Variants in YWHAQ observed in about 807,000 individuals in gnomAD.
YWHAQ encodes 14-3-3 protein theta.
Under a neutral mutation model 28.3 loss-of-function variants are expected in YWHAQ, and 6 were observed. The observed-to-expected ratio is 0.21, with a 90% confidence interval of 0.12 to 0.42. The LOEUF is 0.42. Ranked by LOEUF, YWHAQ falls within the 10% of genes least tolerant of loss-of-function variation. The pLI, the probability that YWHAQ is intolerant of heterozygous loss-of-function variation, is 1.00. For missense variants in YWHAQ, 201 were observed against 305.6 expected, an observed-to-expected ratio of 0.66 and a Z score of 2.55; for synonymous variants, 143 against 119.1, an observed-to-expected ratio of 1.20 and a Z score of -1.31.
chr2:9,626,122 C>G (rs1667243231), intron 2 of YWHAQ, among the ~76,000 whole-genome samples: 1 of 152,206 alleles, frequency 6.6e-6, no homozygotes, highest in Non-Finnish European at 1.5e-5. Flanking sequence ...TTTTAACTCT[C>G]ATTTTTAAAA....
chr2:9,605,123 T>C (rs1666794194), intron 2 of YWHAQ, among the ~76,000 whole-genome samples: 1 of 148,456 alleles, frequency 6.7e-6, no homozygotes, highest in South Asian at 2.1e-4. Context: ...AATGATAGTT[T>C]CCCCATTCTG....
chr2:9,600,045 T>A (rs76553734), intron 2 of YWHAQ, among the ~76,000 whole-genome samples: 2,734 of 152,316 alleles, frequency 0.018, 86 homozygotes, highest in African/African-American at 0.063. Flanking sequence ...TCTACTCTCA[T>A]GAATGACTTT....
intron 2 of YWHAQ, among the ~76,000 whole-genome samples, chr2:9,599,864 AT>A (rs1666654107): frequency 6.6e-6 from 1 of 152,202 alleles, no homozygotes; most frequent in Admixed American, 6.5e-5. Flanking sequence ...TAAGAAATAC[AT>A]TTCGTAAGGC....
chr2:9,615,182 TG>T (rs1244405264), intron 2 of YWHAQ: 1 of 152,160 alleles, frequency 6.6e-6, no homozygotes, highest in Non-Finnish European at 1.5e-5. Context: ...AGAACTGAAC[TG>T]GATCTCATTA....
At chr2:9,621,548 C>T (rs980733713) in intron 2 of YWHAQ, among the ~76,000 whole-genome samples, 22 of 152,108 alleles carry the variant, frequency 1.4e-4, no homozygotes, top group African/African-American at 4.6e-4. Context: ...GATACCCATA[C>T]ATTTCTAGCA....
chr2:9,617,281 T>A (rs1446652150), intron 2 of YWHAQ, among the ~76,000 whole-genome samples: 1 of 152,080 alleles, frequency 6.6e-6, no homozygotes, highest in Non-Finnish European at 1.5e-5. Context: ...AGTATTTCTA[T>A]ACAGTGTAAT....
intron 2 of YWHAQ, among the ~76,000 whole-genome samples, chr2:9,612,301 T>C (rs745811871): frequency 1.7e-4 from 26 of 152,208 alleles, no homozygotes; most frequent in Admixed American, 6.5e-4. Context: ...TTAAATTCCA[T>C]TGCGGGCACG....
At chr2:9,603,117 T>A (rs1416493691) in intron 2 of YWHAQ, among the ~76,000 whole-genome samples, 4 of 151,716 alleles carry the variant, frequency 2.6e-5, no homozygotes, top group Non-Finnish European at 5.9e-5. Context: ...AACATTCATA[T>A]AGCTAAAGTA....
At chr2:9,586,710 A>G (rs1478619769) in intron 5 of YWHAQ, among the ~76,000 whole-genome samples, 1 of 152,182 alleles carries the variant, frequency 6.6e-6, no homozygotes, top group African/African-American at 2.4e-5. Context: ...AAAAAATCCT[A>G]TCTAGTAAAT....
intron 4 of YWHAQ, 122 bp downstream of exon 4, chr2:9,588,043 A>AT: frequency 8.2e-7 from 1 of 1,221,558 alleles, no homozygotes; most frequent in Non-Finnish European, 1.1e-6. Context: ...AAAAGAGGAG[A>AT]TTTCAAAATA....
At chr2:9,617,820 G>A (rs1667065088) in intron 2 of YWHAQ, among the ~76,000 whole-genome samples, 1 of 151,874 alleles carries the variant, frequency 6.6e-6, no homozygotes, top group Non-Finnish European at 1.5e-5. Flanking sequence ...CCAGCTATTT[G>A]GGAGGCTGAA....
rs1390048995 is a variant in YWHAQ at position 9,587,365 on chromosome 2, T to A, written c.678+49A>T. The A allele has an allele frequency of 2.6e-6, 4 of 1,518,922 alleles. No homozygotes were observed. In the South Asian group the frequency reaches 4.9e-5, roughly 18 times the overall value. 94.1% of individuals were successfully genotyped at this position (1,518,922 alleles called of 1,614,324 possible). A position where few individuals can be genotyped will look rare whatever the true frequency, so the allele number is the denominator to read the frequency against. ...CACGAAGTCCAAAATAAAATATAAATACTTTTGTTTCTGAAAAGAAAATAA... is the reference window on the plus strand; with the variant it reads ...CACGAAGTCCAAAATAAAATATAAAAACTTTTGTTTCTGAAAAGAAAATAA... On this transcript the variant is annotated intron_variant, in intron 5 of 5. Coordinates refer to ENST00000238081, the MANE Select transcript of YWHAQ (RefSeq NM_006826.4).
intron 2 of YWHAQ, among the ~76,000 whole-genome samples, chr2:9,628,441 G>A (rs1223016398): frequency 3.3e-5 from 5 of 152,144 alleles, no homozygotes; most frequent in Non-Finnish European, 5.9e-5. Context: ...ATTTATAAGA[G>A]CCACAAAATA....
At chr2:9,593,479 G>A (rs1666499514) in intron 2 of YWHAQ, among the ~76,000 whole-genome samples, 1 of 151,970 alleles carries the variant, frequency 6.6e-6, no homozygotes, top group Admixed American at 6.6e-5. Flanking sequence ...AAAGTACTGG[G>A]ATTACAGGCG....
chr2:9,593,475 C>G (rs1666499277), intron 2 of YWHAQ, among the ~76,000 whole-genome samples: 1 of 151,952 alleles, frequency 6.6e-6, no homozygotes, highest in African/African-American at 2.4e-5. Context: ...TCCCAAAGTA[C>G]TGGGATTACA....
intron 2 of YWHAQ, among the ~76,000 whole-genome samples, chr2:9,603,392 C>T (rs1410368919): frequency 6.6e-6 from 1 of 151,624 alleles, no homozygotes; most frequent in Non-Finnish European, 1.5e-5. Context: ...GCCTCAGCCT[C>T]CCGAGTAACT....
In YWHAQ at chr2:9,594,981, TCTTTCTAAAATTATTAA is replaced by T. The variant is rs375338840; in HGVS notation, c.295-3483_295-3467del. Reference sequence around the variant, plus strand: ...CACAGCCACTTATGAGCTAACCTCTTCTTTCTAAAATTATTAACTTTGACTACTAGTTTGCATATAAC... The same window carrying T: ...CACAGCCACTTATGAGCTAACCTCTTCTTTGACTACTAGTTTGCATATAAC... On this transcript the variant is annotated intron_variant, in intron 2 of 5. Coordinates refer to ENST00000238081, the MANE Select transcript of YWHAQ (RefSeq NM_006826.4). Among the ~76,000 whole-genome samples, 619 of 152,280 alleles carry T rather than the reference TCTTTCTAAAATTATTAA, an allele frequency of 4.1e-3. 4 individuals are homozygous for T. The highest frequency in any genetic ancestry group is 0.014 in the African/African-American group (588 of 41,590).
chr2:9,615,985 T>A (rs1465078946), intron 2 of YWHAQ, among the ~76,000 whole-genome samples: 1 of 152,196 alleles, frequency 6.6e-6, no homozygotes, highest in African/African-American at 2.4e-5. Flanking sequence ...TAACAAGCTA[T>A]AATTTGTAAC....
intron 2 of YWHAQ, among the ~76,000 whole-genome samples, chr2:9,611,149 C>A (rs1666939762): frequency 6.6e-6 from 1 of 152,072 alleles, no homozygotes; most frequent in Non-Finnish European, 1.5e-5. Context: ...CTGAAGGATC[C>A]AATGTACAGT....
Sources: gnomAD v4.1 joint callset for allele counts (sites outside exome capture counted in the v4.1 genomes callset) on GRCh38, gnomAD v4.1.1 for gene constraint, MANE v1.5 for transcripts, NCBI Gene and HGNC (gene_info 2026-07-23, HGNC 2026-07-21) for gene names.